DLG2: variants seen among roughly 807,000 people sequenced by gnomAD.
DLG2 encodes the protein discs large MAGUK scaffold protein 2.
In DLG2, 45 loss-of-function variants were observed where a neutral mutation model predicts 132.5. The observed-to-expected ratio is 0.34, with a 90% CI of 0.27 to 0.44. DLG2 has a LOEUF of 0.44. Among genes scored for constraint, DLG2 ranks in the 20% least tolerant of loss-of-function variants. The probability of loss-of-function intolerance (pLI) is 1.00; values close to 1 mark genes in which losing one functional copy is unlikely to be tolerated. For synonymous variants in DLG2, 424 were observed against 419.6 expected (o/e 1.01, Z -0.13); for missense variants, 1,045 against 1,196.9 (o/e 0.87, Z 1.87).
At chr11:85,491,095 C>A (rs1350497155) in intron 3 of DLG2, among the ~76,000 whole-genome samples, 1 of 151,958 alleles carries the variant, frequency 6.6e-6, no homozygotes, top group East Asian at 1.9e-4. Flanking sequence ...GGTTTTATAA[C>A]AGAAATGCAA....
At chr11:84,134,983 G>T (rs1262289444) in intron 9 of DLG2, among the ~76,000 whole-genome samples, 1 of 151,914 alleles carries the variant, frequency 6.6e-6, no homozygotes, top group Non-Finnish European at 1.5e-5. Flanking sequence ...GCTTTCTTCT[G>T]TTTGGGTGAC....
At chr11:85,012,634 T>A (rs191945715) in intron 6 of DLG2, among the ~76,000 whole-genome samples, 4 of 152,200 alleles carry the variant, frequency 2.6e-5, no homozygotes, top group Non-Finnish European at 2.9e-5. Context: ...ATGAAAAAAA[T>A]TATTTGCTGA....
intron 6 of DLG2, among the ~76,000 whole-genome samples, chr11:84,869,500 A>T (rs2154039915): frequency 6.6e-6 from 1 of 151,822 alleles, no homozygotes; most frequent in East Asian, 1.9e-4. Flanking sequence ...AAAGTGAACA[A>T]AAAGCTTCTT....
chr11:84,670,121 A>G (rs1198694687), intron 6 of DLG2, among the ~76,000 whole-genome samples: 1 of 152,138 alleles, frequency 6.6e-6, no homozygotes, highest in Non-Finnish European at 1.5e-5. Flanking sequence ...TTCCTCTTGA[A>G]TGAGATATAA....
chr11:84,558,338 C>T (rs2099416135), intron 6 of DLG2, among the ~76,000 whole-genome samples: 1 of 152,136 alleles, frequency 6.6e-6, no homozygotes, highest in Non-Finnish European at 1.5e-5. Flanking sequence ...GTGAACTTGA[C>T]TATTCTTAGA....
intron 6 of DLG2, among the ~76,000 whole-genome samples, chr11:84,867,273 G>T (rs2154034016): frequency 6.6e-6 from 1 of 152,290 alleles, no homozygotes; most frequent in Middle Eastern, 3.4e-3. Flanking sequence ...TTGAACACGT[G>T]CTGGAAGTGT....
chr11:84,005,803 T>A (rs980873430), intron 11 of DLG2, among the ~76,000 whole-genome samples: 1 of 151,776 alleles, frequency 6.6e-6, no homozygotes, highest in South Asian at 2.1e-4. Flanking sequence ...ATGGCTATTA[T>A]TAAAAAGACA....
intron 17 of DLG2, among the ~76,000 whole-genome samples, chr11:83,830,223 C>G (rs1199013053): frequency 6.6e-6 from 1 of 152,164 alleles, no homozygotes; most frequent in Non-Finnish European, 1.5e-5. Flanking sequence ...TTGTTATATT[C>G]TGTGAATTAT....
chr11:84,604,731 G>A (rs1365323277), intron 6 of DLG2, among the ~76,000 whole-genome samples: 2 of 151,994 alleles, frequency 1.3e-5, no homozygotes, highest in Non-Finnish European at 2.9e-5. Flanking sequence ...AGGTCTCTCA[G>A]AGGACACTGA....
chr11:83,955,182 A>T (rs2086522631), intron 14 of DLG2, among the ~76,000 whole-genome samples: 1 of 152,176 alleles, frequency 6.6e-6, no homozygotes, highest in Non-Finnish European at 1.5e-5. Context: ...CAAACCTATG[A>T]TGTAGAAAGT....
intron 16 of DLG2, among the ~76,000 whole-genome samples, chr11:83,858,825 T>C (rs2060970396): frequency 1.3e-5 from 2 of 152,188 alleles, no homozygotes; most frequent in African/African-American, 4.8e-5. Flanking sequence ...TGGCTTATAG[T>C]TTTTTTGTAA....
intron 3 of DLG2, among the ~76,000 whole-genome samples, chr11:85,349,340 A>G (rs2083101635): frequency 1.3e-5 from 2 of 152,164 alleles, no homozygotes; most frequent in South Asian, 4.1e-4. Context: ...AGTGCCTTCT[A>G]TCCACTACCT....
chr11:84,405,414 C>A (rs763301991), intron 7 of DLG2, among the ~76,000 whole-genome samples: 1 of 152,130 alleles, frequency 6.6e-6, no homozygotes, highest in Non-Finnish European at 1.5e-5. Flanking sequence ...TTCTGTCTTC[C>A]GTACCATGAA....
At chr11:84,131,160 A>C (rs2094405603) in intron 9 of DLG2, among the ~76,000 whole-genome samples, 1 of 152,004 alleles carries the variant, frequency 6.6e-6, no homozygotes, top group Admixed American at 6.6e-5. Flanking sequence ...AAAAAGATGA[A>C]GTTCACATAC....
chr11:85,421,612 T>G (rs2090317604), intron 3 of DLG2, among the ~76,000 whole-genome samples: 2 of 152,080 alleles, frequency 1.3e-5, no homozygotes, highest in Non-Finnish European at 2.9e-5. Context: ...ATTCTTAACC[T>G]TTCTGCAATT....
chr11:84,865,305 T>C (rs1379314310), intron 6 of DLG2, among the ~76,000 whole-genome samples: 2 of 152,176 alleles, frequency 1.3e-5, no homozygotes, highest in Non-Finnish European at 2.9e-5. Context: ...CTATAACTAC[T>C]GAAATGAAAC....
At chr11:84,021,188 C>A (rs1245794798) in intron 11 of DLG2, among the ~76,000 whole-genome samples, 3 of 152,056 alleles carry the variant, frequency 2.0e-5, no homozygotes, top group African/African-American at 7.2e-5. Context: ...AACCAGAAAG[C>A]CACACTTTAA....
chr11:83,689,097 T>G (rs1052486261), intron 18 of DLG2, among the ~76,000 whole-genome samples: 42 of 152,166 alleles, frequency 2.8e-4, no homozygotes, highest in African/African-American at 1.0e-3. Context: ...CACAGCTGCA[T>G]AGCATATTTT....
intron 6 of DLG2, among the ~76,000 whole-genome samples, chr11:84,572,543 T>C (rs1249182938): frequency 2.0e-5 from 3 of 152,140 alleles, no homozygotes; most frequent in Non-Finnish European, 4.4e-5. Flanking sequence ...AAGCCTGGCC[T>C]AGGTAAGCAG....
Sources: gnomAD v4.1 joint callset for allele counts (sites outside exome capture counted in the v4.1 genomes callset) on GRCh38, gnomAD v4.1.1 for gene constraint, MANE v1.5 for transcripts, NCBI Gene and HGNC (gene_info 2026-07-23, HGNC 2026-07-21) for gene names.